SLC22A24: variants seen among roughly 807,000 people sequenced by gnomAD.
The protein encoded by SLC22A24 is solute carrier family 22 member 24.
In SLC22A24, 53 loss-of-function variants were observed where a neutral mutation model predicts 49.8. The observed-to-expected ratio is 1.06, with a 90% CI of 0.85 to 1.34. SLC22A24 has a LOEUF of 1.34. SLC22A24 is among the 40% of genes most tolerant of loss of function. The probability of loss-of-function intolerance (pLI) is 0.00; values close to 1 mark genes in which losing one functional copy is unlikely to be tolerated. For missense variants in SLC22A24, 786 were observed against 675.9 expected (o/e 1.16, Z -1.81); for synonymous variants, 302 against 256.4 (o/e 1.18, Z -1.70).
chr11:63,106,419 A>C (rs2087122184), intron 4 of SLC22A24, among the ~76,000 whole-genome samples: 1 of 152,210 alleles, frequency 6.6e-6, no homozygotes, highest in African/African-American at 2.4e-5. Flanking sequence ...TTATAGCAGC[A>C]TGATTTATAA....
intron 9 of SLC22A24, among the ~76,000 whole-genome samples, chr11:63,080,210 C>T (rs892508768): frequency 2.0e-5 from 3 of 152,164 alleles, no homozygotes; most frequent in African/African-American, 7.2e-5. Context: ...AATATTGATA[C>T]TCTCACCATT....
intron 4 of SLC22A24, among the ~76,000 whole-genome samples, chr11:63,105,634 C>T (rs2087116136): frequency 6.6e-6 from 1 of 152,086 alleles, no homozygotes; most frequent in Non-Finnish European, 1.5e-5. Context: ...GACACCTGCC[C>T]CTAGGATGCA....
chr11:63,107,918 C>T (rs878928158), intron 4 of SLC22A24, among the ~76,000 whole-genome samples: 1 of 151,926 alleles, frequency 6.6e-6, no homozygotes, highest in Non-Finnish European at 1.5e-5. Flanking sequence ...AATTGAATAC[C>T]CTTTATTTCC....
chr11:63,106,235 A>G (rs919796702), intron 4 of SLC22A24, among the ~76,000 whole-genome samples: 6 of 151,914 alleles, frequency 3.9e-5, no homozygotes, highest in Non-Finnish European at 8.8e-5. Context: ...TTCCAGTTTC[A>G]TCCACGTCCA....
chr11:63,081,262 A>G (rs934185391), intron 8 of SLC22A24, 139 bp from the exon 9 acceptor site: 20 of 731,834 alleles, frequency 2.7e-5, no homozygotes, highest in Non-Finnish European at 4.0e-5. Context: ...CTTAATTGTG[A>G]CATTTACCTC....
chr11:63,117,419 A>T (rs1295090290), intron 4 of SLC22A24, among the ~76,000 whole-genome samples: 1 of 152,168 alleles, frequency 6.6e-6, no homozygotes, highest in African/African-American at 2.4e-5. Context: ...TGAGTATGTG[A>T]CACTCAGTCA....
chr11:63,094,148 G>T (rs771696906), intron 6 of SLC22A24, among the ~76,000 whole-genome samples: 1 of 79,732 alleles, frequency 1.3e-5, no homozygotes, highest in Admixed American at 1.9e-4. Context: ...CCCCTCCCCC[G>T]ACCCCACAAC....
intron 2 of SLC22A24, among the ~76,000 whole-genome samples, chr11:63,133,979 C>T (rs571035809): frequency 1.7e-4 from 26 of 152,138 alleles, no homozygotes; most frequent in Non-Finnish European, 3.1e-4. Flanking sequence ...TATGAATATA[C>T]CACAATCTAT....
chr11:63,088,435 C>T (rs1012063413), intron 6 of SLC22A24, among the ~76,000 whole-genome samples: 5 of 144,050 alleles, frequency 3.5e-5, no homozygotes, highest in Non-Finnish European at 6.2e-5. Context: ...AGGTCATCAG[C>T]CTCAACAATC....
chr11:63,136,075 G>A (rs1193389502), intron 1 of SLC22A24, among the ~76,000 whole-genome samples: 1 of 152,180 alleles, frequency 6.6e-6, no homozygotes, highest in Non-Finnish European at 1.5e-5. Flanking sequence ...ACTGCAAATA[G>A]AAAACATCAT....
chr11:63,134,889 C>G, intron 1 of SLC22A24, 121 bp from the exon 2 acceptor site: 1 of 609,678 alleles, frequency 1.6e-6, no homozygotes, highest in South Asian at 2.3e-5. Context: ...TCCTGCCTCC[C>G]TCTCCAGCTT....
In SLC22A24 at chr11:63,096,087, TTCATGGTGGA is replaced by T; in HGVS notation, c.964_973del (p.Ser322ArgfsTer24). The T allele has an allele frequency of 6.5e-7, 1 of 1,550,240 alleles. No homozygotes were observed. The highest frequency in any genetic ancestry group is 1.2e-5 in the South Asian group (1 of 84,006). ...AATTCGGACTGCATCCAACTCCTTC[TTCATGGTGGA>T]TCTCACAAGCTTCAGCAACAAAAAT... On this transcript the variant is annotated frameshift_variant, in exon 6 of 10. Coordinates refer to ENST00000612278, the MANE Select transcript of SLC22A24 (RefSeq NM_001136506.2). LOFTEE classifies it high-confidence loss of function.
chr11:63,142,863 C>G lies in SLC22A24; in HGVS notation c.402+515G>C, dbSNP rs985718060. Among the ~76,000 whole-genome samples, 3 of 152,080 alleles carry G rather than the reference C, an allele frequency of 2.0e-5. No homozygotes were observed. In the East Asian group the frequency reaches 5.8e-4, roughly 29 times the overall value. ...AGTTATCCTTAAAAACTCTGCTCCC[C>G]GAATGCTCAGGGAGACTAATTTGAG... On this transcript the variant is annotated intron_variant, in intron 1 of 9. Coordinates refer to ENST00000612278, the MANE Select transcript of SLC22A24 (RefSeq NM_001136506.2).
intron 2 of SLC22A24, among the ~76,000 whole-genome samples, chr11:63,132,778 G>A (rs949280305): frequency 6.6e-6 from 1 of 152,174 alleles, no homozygotes; most frequent in African/African-American, 2.4e-5. Flanking sequence ...ACTTGAGGAG[G>A]CAGCCTGTCT....
In SLC22A24 at chr11:63,087,024, G is replaced by GCGCGCACACACACACA. The variant is rs376936925; in HGVS notation, c.1071-3568_1071-3567insTGTGTGTGTGTGCGCG. Among the ~76,000 whole-genome samples the GCGCGCACACACACACA allele has an allele frequency of 2.1e-3, 280 of 132,628 alleles. 1 individual carries two copies. The highest frequency in any genetic ancestry group is 0.013 in the East Asian group (57 of 4,446). 87.0% of individuals were successfully genotyped at this position (132,628 alleles called of 152,430 possible). On this transcript the variant is annotated intron_variant, in intron 6 of 9. Transcript: ENST00000612278. The stretch of plus-strand genomic sequence containing the variant: ...AATTAAGCTTTTCTGCCTGGAGGGC[G>GCGCGCACACACACACA]CACACACACACACACACACACACAC...
chr11:63,092,202 G>A (rs991225268), intron 6 of SLC22A24, among the ~76,000 whole-genome samples: 14 of 151,894 alleles, frequency 9.2e-5, no homozygotes, highest in African/African-American at 3.4e-4. Context: ...CAAGGGACAT[G>A]AGGGACTTCT....
chr11:63,129,928 C>T (rs192960280), intron 2 of SLC22A24, among the ~76,000 whole-genome samples: 24 of 152,290 alleles, frequency 1.6e-4, no homozygotes, highest in African/African-American at 5.5e-4. Context: ...CAAACAGAGA[C>T]AATTTGATTT....
At chr11:63,097,207 C>T (rs887704425) in intron 5 of SLC22A24, among the ~76,000 whole-genome samples, 2 of 139,142 alleles carry the variant, frequency 1.4e-5, no homozygotes, top group Non-Finnish European at 3.1e-5. Flanking sequence ...CCAGAATCTA[C>T]AAGGAACTTA....
At chr11:63,112,838 C>T (rs1392738721) in intron 4 of SLC22A24, among the ~76,000 whole-genome samples, 1 of 150,382 alleles carries the variant, frequency 6.6e-6, no homozygotes, top group Non-Finnish European at 1.5e-5. Flanking sequence ...ATGGTGAAAC[C>T]CCGTCTCTAC....
Sources: gnomAD v4.1 joint callset for allele counts (sites outside exome capture counted in the v4.1 genomes callset) on GRCh38, gnomAD v4.1.1 for gene constraint, MANE v1.5 for transcripts, NCBI Gene and HGNC (gene_info 2026-07-23, HGNC 2026-07-21) for gene names.